BRINP3: variants seen among roughly 807,000 people sequenced by gnomAD.
The protein encoded by BRINP3 is BMP/retinoic acid-inducible neural-specific protein 3.
Under a neutral mutation model 71.0 loss-of-function variants are expected in BRINP3, and 19 were observed. The observed-to-expected ratio is 0.27, with a 90% CI of 0.19 to 0.39. The LOEUF (loss-of-function observed/expected upper bound fraction) is 0.39. BRINP3 is among the 10% of genes least tolerant of loss of function. The pLI, the probability that BRINP3 is intolerant of heterozygous loss-of-function variation, is 1.00. For synonymous variants in BRINP3, 380 were observed against 337.7 expected, an observed-to-expected ratio of 1.13 and a Z score of -1.37; for missense variants, 959 against 940.8, an observed-to-expected ratio of 1.02 and a Z score of -0.25.
At chr1:190,441,848 T>C (rs189756702) in intron 2 of BRINP3, among the ~76,000 whole-genome samples, 4 of 152,170 alleles carry the variant, frequency 2.6e-5, no homozygotes, top group East Asian at 3.9e-4. Context: ...ATTGAAGAGA[T>C]AGAATTGGGA....
chr1:190,124,588 T>C (rs1018275955), intron 7 of BRINP3, among the ~76,000 whole-genome samples: 5 of 152,104 alleles, frequency 3.3e-5, no homozygotes, highest in Non-Finnish European at 5.9e-5. Context: ...TAAAAAATCA[T>C]TTCAGGTTAA....
chr1:190,394,484 T>C (rs1373111537), intron 2 of BRINP3, among the ~76,000 whole-genome samples: 2 of 151,554 alleles, frequency 1.3e-5, no homozygotes, highest in African/African-American at 4.8e-5. Flanking sequence ...ACCTCTAAAT[T>C]TGTATTATTT....
At chr1:190,315,182 G>A (rs555137975) in intron 2 of BRINP3, among the ~76,000 whole-genome samples, 1 of 152,170 alleles carries the variant, frequency 6.6e-6, no homozygotes, top group African/African-American at 2.4e-5. Context: ...GCAAGAAAAT[G>A]TAATAAAGGA....
chr1:190,331,803 A>G (rs1666982676), intron 2 of BRINP3, among the ~76,000 whole-genome samples: 1 of 152,034 alleles, frequency 6.6e-6, no homozygotes, highest in South Asian at 2.1e-4. Context: ...TGTGGCATCT[A>G]TTACTTGCAG....
At chr1:190,180,794 G>T (rs1165398288) in intron 6 of BRINP3, among the ~76,000 whole-genome samples, 2 of 151,972 alleles carry the variant, frequency 1.3e-5, no homozygotes, top group Admixed American at 1.3e-4. Flanking sequence ...ATTATTTGGT[G>T]CTAAGCTGTC....
intron 2 of BRINP3, among the ~76,000 whole-genome samples, chr1:190,361,465 C>A (rs1018225924): frequency 3.9e-5 from 6 of 152,000 alleles, no homozygotes; most frequent in Non-Finnish European, 8.8e-5. Context: ...TGCAGTGGCA[C>A]TATTTCAGTT....
intron 7 of BRINP3, among the ~76,000 whole-genome samples, chr1:190,125,900 G>A (rs149901412): frequency 6.6e-6 from 1 of 152,092 alleles, no homozygotes; most frequent in African/African-American, 2.4e-5. Flanking sequence ...TGCTGGAATG[G>A]AGTTACTGTA....
At chr1:190,371,984 A>G (rs1669897917) in intron 2 of BRINP3, among the ~76,000 whole-genome samples, 1 of 152,174 alleles carries the variant, frequency 6.6e-6, no homozygotes, top group Non-Finnish European at 1.5e-5. Context: ...AAAATGGCAC[A>G]GGATGAAAAC....
At chr1:190,448,446 A>T (rs534972861) in intron 2 of BRINP3, among the ~76,000 whole-genome samples, 4 of 144,992 alleles carry the variant, frequency 2.8e-5, no homozygotes, top group African/African-American at 1.0e-4. Context: ...TTTTCTTAAC[A>T]CCCCTACACT....
intron 2 of BRINP3, among the ~76,000 whole-genome samples, chr1:190,367,318 C>G (rs866772398): frequency 6.6e-6 from 1 of 152,104 alleles, no homozygotes; most frequent in South Asian, 2.1e-4. Flanking sequence ...GTACCTTGAC[C>G]CCTTGTAGCC....
intron 3 of BRINP3, among the ~76,000 whole-genome samples, chr1:190,280,153 G>A (rs1420592673): frequency 6.6e-6 from 1 of 151,790 alleles, no homozygotes; most frequent in Non-Finnish European, 1.5e-5. Flanking sequence ...GAGAACAATG[G>A]GGTTCACTGG....
chr1:190,120,574 C>T (rs955039386), intron 7 of BRINP3, among the ~76,000 whole-genome samples: 4 of 151,974 alleles, frequency 2.6e-5, no homozygotes, highest in Non-Finnish European at 5.9e-5. Flanking sequence ...TGGCTCACTG[C>T]CACCTCCGCC....
intron 4 of BRINP3, among the ~76,000 whole-genome samples, chr1:190,248,577 A>G (rs993548615): frequency 6.6e-6 from 1 of 151,722 alleles, no homozygotes; most frequent in Non-Finnish European, 1.5e-5. Context: ...AAAATGTTTC[A>G]GGAAAAGACT....
At chr1:190,170,409 T>C (rs1460581259) in intron 6 of BRINP3, among the ~76,000 whole-genome samples, 2 of 152,152 alleles carry the variant, frequency 1.3e-5, no homozygotes, top group Non-Finnish European at 2.9e-5. Context: ...ATATATTTCT[T>C]AAATGTCGTA....
chr1:190,457,823 GTA>G (rs1272544558), intron 1 of BRINP3, among the ~76,000 whole-genome samples: 2 of 151,516 alleles, frequency 1.3e-5, no homozygotes, highest in African/African-American at 4.9e-5. Flanking sequence ...CTACAATTCT[GTA>G]ATTTTTCAAT....
intron 6 of BRINP3, among the ~76,000 whole-genome samples, chr1:190,222,117 A>G (rs1455343754): frequency 6.6e-6 from 1 of 152,032 alleles, no homozygotes; most frequent in East Asian, 1.9e-4. Flanking sequence ...CAGAATATAC[A>G]TTCTTTCCTT....
intron 1 of BRINP3, among the ~76,000 whole-genome samples, chr1:190,469,050 A>G (rs1676955534): frequency 1.3e-5 from 2 of 151,046 alleles, no homozygotes; most frequent in Admixed American, 1.3e-4. Flanking sequence ...ATAAGCACAG[A>G]TTTCTTCATA....
intron 7 of BRINP3, among the ~76,000 whole-genome samples, chr1:190,110,370 T>A (rs1392695882): frequency 6.6e-6 from 1 of 152,166 alleles, no homozygotes; most frequent in Admixed American, 6.5e-5. Flanking sequence ...TTCTAGGTAA[T>A]TATAATCTCA....
intron 7 of BRINP3, among the ~76,000 whole-genome samples, chr1:190,130,853 G>A (rs1654480923): frequency 6.6e-6 from 1 of 151,864 alleles, no homozygotes; most frequent in Non-Finnish European, 1.5e-5. Context: ...CTGACCAGAT[G>A]CTAATGTACC....
Sources: gnomAD v4.1 joint callset for allele counts (sites outside exome capture counted in the v4.1 genomes callset) on GRCh38, gnomAD v4.1.1 for gene constraint, MANE v1.5 for transcripts, NCBI Gene and HGNC (gene_info 2026-07-23, HGNC 2026-07-21) for gene names.